MAMLD1: variants seen among roughly 807,000 people sequenced by gnomAD.
The protein encoded by MAMLD1 is mastermind-like domain-containing protein 1.
A neutral mutation model predicts 45.0 loss-of-function variants in MAMLD1; 14 were observed. That is an observed-to-expected ratio of 0.31 (90% CI 0.21 to 0.49). The LOEUF (loss-of-function observed/expected upper bound fraction) is 0.49, where lower values mean the gene tolerates loss of function less well. MAMLD1 is among the 20% of genes least tolerant of loss of function. MAMLD1 has a pLI of 0.99. For missense variants in MAMLD1, 543 were observed against 603.6 expected (o/e 0.90, Z 1.05); for synonymous variants, 254 against 247.8 (o/e 1.02, Z -0.24).
In MAMLD1 at chrX:150,471,243, T is replaced by C; in HGVS notation, c.1670T>C (p.Met557Thr). ...HFVSEPGPQK[M>T]PSMPTTSRQP... ...GTTTCTGAGCCGGGTCCCCAGAAGA[T>C]GCCCTCCATGCCTACCACCTCTAGG... is the stretch of plus-strand genomic sequence containing the variant. Residue 557 changes from methionine (M) to threonine (T), a missense_variant, in exon 4 of 8, where the codon ATG becomes ACG. Transcript: ENST00000370401. 2 of 1,211,610 alleles carry C rather than the reference T, an allele frequency of 1.7e-6. No individual in the cohort carries two copies. The highest frequency in any genetic ancestry group is 2.2e-6 in the Non-Finnish European group (2 of 895,460).
intron 3 of MAMLD1, among the ~76,000 whole-genome samples, chrX:150,467,976 C>T (rs1432129263): frequency 8.9e-6 from 1 of 112,559 alleles, no homozygotes; most frequent in Non-Finnish European, 1.9e-5. Context: ...TATAATTACA[C>T]TCATTTTACA....
intron 1 of MAMLD1, among the ~76,000 whole-genome samples, chrX:150,443,414 T>TATTTG (rs2035383713): frequency 9.3e-6 from 1 of 107,104 alleles, no homozygotes; most frequent in Admixed American, 1.0e-4. Flanking sequence ...TATTTTATTT[T>TATTTG]ATTATTATTA....
chrX:150,362,455 A>ATCTCC (rs1249309607), upstream of MAMLD1, among the ~76,000 whole-genome samples: 27 of 92,443 alleles, frequency 2.9e-4, no homozygotes, highest in African/African-American at 1.0e-3. Flanking sequence ...CTCTCCTCTC[A>ATCTCC]TCTCCTCTCC....
Position 150,471,175 on chromosome X carries a change from G to C in MAMLD1, c.1602G>C (p.Thr534=). Residue 534 remains threonine, a synonymous_variant, in exon 4 of 8, where the codon ACG becomes ACC. Coordinates refer to ENST00000370401, the MANE Select transcript of MAMLD1 (RefSeq NM_005491.5). The stretch of plus-strand genomic sequence containing the variant: ...TGGCAAGCTCCAGCCCAGGAGCCAC[G>C]GAGCCATTTACTTTTGGCAACACCA... The part of the protein sequence containing the change: ...QGMASSSPGA[T]EPFTFGNTKP... The C allele has an allele frequency of 1.7e-6, 2 of 1,211,779 alleles. No individual in the cohort carries two copies. Among genetic ancestry groups the C allele is most frequent in the Non-Finnish European group, 1.1e-6 (1 of 895,488 alleles).
intron 6 of MAMLD1, among the ~76,000 whole-genome samples, chrX:150,503,809 G>T (rs782654682): frequency 2.7e-4 from 30 of 112,401 alleles, no homozygotes; most frequent in African/African-American, 9.7e-4. Flanking sequence ...GGGTGCAGCT[G>T]CTCTCTCCCT....
At chrX:150,454,144 T>G (rs2035763926) in intron 2 of MAMLD1, among the ~76,000 whole-genome samples, 1 of 112,198 alleles carries the variant, frequency 8.9e-6, no homozygotes, top group African/African-American at 3.2e-5. Flanking sequence ...TTTCCTAGAA[T>G]AAGCTTCAGG....
chrX:150,472,877 T>A (rs1038243518), intron 4 of MAMLD1, among the ~76,000 whole-genome samples: 2 of 111,977 alleles, frequency 1.8e-5, no homozygotes, highest in Non-Finnish European at 1.9e-5. Flanking sequence ...CCATCTACCA[T>A]CCCTCCTTCC....
At chrX:150,489,804 A>C (rs782463935) in intron 5 of MAMLD1, among the ~76,000 whole-genome samples, 2 of 110,761 alleles carry the variant, frequency 1.8e-5, no homozygotes, top group African/African-American at 6.6e-5. Context: ...CAAGGAATGT[A>C]CTGGGGGAAA....
intron 5 of MAMLD1, among the ~76,000 whole-genome samples, chrX:150,479,201 CA>C (rs782158241): frequency 1.3e-4 from 15 of 111,772 alleles, no homozygotes; most frequent in Non-Finnish European, 2.3e-4. Context: ...TAAATGTCAA[CA>C]TTTTTTTTCT....
chrX:150,489,806 T>C (rs2037123925), intron 5 of MAMLD1, among the ~76,000 whole-genome samples: 1 of 110,529 alleles, frequency 9.0e-6, no homozygotes, highest in African/African-American at 3.3e-5. Context: ...AGGAATGTAC[T>C]GGGGGAAATG....
At chrX:150,469,503 A>G (rs2036333436) in intron 3 of MAMLD1, among the ~76,000 whole-genome samples, 1 of 112,415 alleles carries the variant, frequency 8.9e-6, no homozygotes, top group Non-Finnish European at 1.9e-5. Context: ...GACAGGCTGT[A>G]TTTTATAGTT....
rs782819326 is a variant in MAMLD1 at position 150,396,955 on chromosome X, G to A, written c.-64+33425G>A. 1.4e-3 allele frequency among the ~76,000 whole-genome samples: 159 copies of A among 112,085 alleles called. 1 individual carries two copies. Among genetic ancestry groups the A allele is most frequent in the South Asian group, 0.012 (32 of 2,719 alleles). ...ATGCTTTTTTATTATGTTATGCCCAGATTTTTGTTTGTTTCTGTAGTTTGC... is the reference window on the plus strand; with the variant it reads ...ATGCTTTTTTATTATGTTATGCCCAAATTTTTGTTTGTTTCTGTAGTTTGC... On this transcript the variant is annotated intron_variant, in intron 1 of 7. Transcript: ENST00000370401.
Position 150,504,053 on chromosome X carries a change from G to A in MAMLD1, c.2284+536G>A, listed in dbSNP as rs782647885. The A allele has an allele frequency of 2.4e-5, 18 of 752,651 alleles. No homozygotes were observed. In the Admixed American group the frequency reaches 2.6e-4, roughly 11 times the overall value. 62.0% of individuals were successfully genotyped at this position (752,651 alleles called of 1,213,427 possible). On this transcript the variant is annotated intron_variant, in intron 6 of 7. Transcript: ENST00000370401. ...CCCACACCCTAGAGGCAGGAAGTTGGATTGCCCTGCTGGAGGACTGGCAGT... is the reference window on the plus strand; with the variant it reads ...CCCACACCCTAGAGGCAGGAAGTTGAATTGCCCTGCTGGAGGACTGGCAGT...
intron 5 of MAMLD1, among the ~76,000 whole-genome samples, chrX:150,476,145 G>A (rs1331807708): frequency 2.7e-5 from 3 of 111,413 alleles, no homozygotes; most frequent in African/African-American, 9.8e-5. Flanking sequence ...TATTAAGGGA[G>A]GGATCTTTAA....
chrX:150,483,105 G>C (rs1331766242), intron 5 of MAMLD1, among the ~76,000 whole-genome samples: 1 of 112,200 alleles, frequency 8.9e-6, no homozygotes, highest in Non-Finnish European at 1.9e-5. Flanking sequence ...TCTGAAAAAG[G>C]TTACGGTTCT....
chrX:150,412,800 C>T, intron 1 of MAMLD1, among the ~76,000 whole-genome samples: 1 of 110,733 alleles, frequency 9.0e-6, no homozygotes, highest in Non-Finnish European at 1.9e-5. Flanking sequence ...TCAGTGCAAA[C>T]TCGACCTCCT....
chrX:150,397,178 A>G (rs1468121377), intron 1 of MAMLD1, among the ~76,000 whole-genome samples: 1 of 112,187 alleles, frequency 8.9e-6, no homozygotes, highest in African/African-American at 3.2e-5. Context: ...AGTGACCTAT[A>G]GTATGTTTTC....
chrX:150,474,186 G>A (rs781860360), intron 5 of MAMLD1, among the ~76,000 whole-genome samples: 12 of 111,860 alleles, frequency 1.1e-4, no homozygotes, highest in Non-Finnish European at 2.1e-4. Flanking sequence ...GGCAGGGGCT[G>A]TTACCATTCT....
At position 150,470,065 on chromosome X, in the gene MAMLD1, G is replaced by C. The variant is rs781883068; in HGVS notation, c.492G>C (p.Glu164Asp). The C allele has an allele frequency of 8.3e-7, 1 of 1,211,856 alleles. No individual in the cohort carries two copies. Among genetic ancestry groups the C allele is most frequent in the South Asian group, 1.8e-5 (1 of 56,993 alleles). ...AAGGGCCCACTGTTCCTTACTATGA[G>C]AAAATCAACAGCGTGCCGGCTGTAG... The part of the protein sequence containing the change: ...GLKGPTVPYY[E>D]KINSVPAVDQ... Residue 164 changes from glutamate to aspartate, a missense_variant, in exon 4 of 8, where the codon GAG (glutamate) becomes GAC (aspartate). Transcript: ENST00000370401.
Sources: allele counts gnomAD v4.1 joint callset (sites outside exome capture counted in the v4.1 genomes callset), GRCh38; gene constraint gnomAD v4.1.1; transcripts MANE v1.5; gene names NCBI Gene and HGNC (gene_info 2026-07-23, HGNC 2026-07-21).